The following FANCA variants were observed in gnomAD, a reference collection of about 807,000 sequenced individuals.
The protein encoded by FANCA is Fanconi anemia group A protein.
Under a neutral mutation model 194.3 loss-of-function variants are expected in FANCA, and 236 were observed. The ratio of observed to expected loss-of-function variants is 1.21; its 90% CI spans 1.09 to 1.35. FANCA has a LOEUF of 1.35. Ranked by LOEUF, FANCA falls within the 40% of genes most tolerant of loss-of-function variation. FANCA has a pLI of 0.00. For synonymous variants in FANCA, 1,014 were observed against 715.8 expected (o/e 1.42, Z -6.65); for missense variants, 2,628 against 1,813.9 (o/e 1.45, Z -8.15).
chr16:89,758,833 CG>C, intron 29 of FANCA, 128 bp from the exon 30 acceptor site: 2 of 1,442,650 alleles, frequency 1.4e-6, no homozygotes, highest in Non-Finnish European at 1.9e-6. Context: ...ACTGGCGGCT[CG>C]GGACCTTGGA....
chr16:89,790,827 C>T (rs1044745676), intron 14 of FANCA, among the ~76,000 whole-genome samples: 4 of 151,728 alleles, frequency 2.6e-5, no homozygotes, highest in African/African-American at 9.7e-5. Flanking sequence ...TGATTTCACT[C>T]ATTTTCTTTT....
chr16:89,805,347 C>T lies in FANCA; in HGVS notation c.642G>A (p.Leu214=). Residue 214 remains leucine (L), a synonymous_variant, in exon 7 of 43, where the codon CTG becomes CTA. Coordinates refer to ENST00000389301, the MANE Select transcript of FANCA (RefSeq NM_000135.4). Reference sequence around the variant, plus strand: ...CTTCCATCTGTTCACAAAGGCAGCACAGATTCCTGAAGAGCCACGATCCCA... The same window carrying T: ...CTTCCATCTGTTCACAAAGGCAGCATAGATTCCTGAAGAGCCACGATCCCA... The part of the protein sequence containing the change: ...HAVGSWLFRN[L]CCLCEQMEAS... 1.2e-6 allele frequency: 2 copies of T among 1,614,072 alleles called. No homozygotes were observed. Among genetic ancestry groups the T allele is most frequent in the Non-Finnish European group, 1.7e-6 (2 of 1,179,976 alleles).
At chr16:89,780,456 C>CT (rs983970694) in intron 17 of FANCA, among the ~76,000 whole-genome samples, 1 of 151,914 alleles carries the variant, frequency 6.6e-6, no homozygotes, top group Non-Finnish European at 1.5e-5. Flanking sequence ...CATCTCATCT[C>CT]TAAAAAAATA....
At position 89,748,770 on chromosome 16, in the gene FANCA, G is replaced by A. The variant is rs1315428324; in HGVS notation, c.3240-3C>T. The A allele has an allele frequency of 1.2e-6, 2 of 1,612,958 alleles. No homozygotes were observed. The highest frequency in any genetic ancestry group is 8.5e-7 in the Non-Finnish European group (1 of 1,179,314). On this transcript the variant is annotated splice_polypyrimidine_tract_variant and splice_region_variant and intron_variant, in intron 32 of 42. Transcript: ENST00000389301. ...ACGAAGGCAGGCGGAGGAGGATCCT[G>A]GAAAGAAGGGGCTGTATTGGTGGCG...
chr16:89,816,561 G>A lies in FANCA; in HGVS notation c.55C>T (p.Arg19Trp), dbSNP rs1300733063. Residue 19 changes from arginine (R) to tryptophan (W), a missense_variant, in exon 1 of 43, where the codon CGG becomes TGG. Transcript: ENST00000389301. The part of the protein sequence containing the change: ...SASGQDPGGR[R>W]RAWAELLAGR... Reference sequence around the variant, plus strand: ...CCCAGCAGCTCGGCCCAGGCCCTCCGGCGGCCCCCTGGGTCCTGGCCCGAG... The same window carrying A: ...CCCAGCAGCTCGGCCCAGGCCCTCCAGCGGCCCCCTGGGTCCTGGCCCGAG... 11 of 1,511,952 alleles carry A rather than the reference G, an allele frequency of 7.3e-6. No homozygotes were observed. The highest frequency in any genetic ancestry group is 1.4e-5 in the African/African-American group (1 of 69,278). The allele number at this position is 1,511,952 out of a possible 1,614,324, so 93.7% of individuals were successfully genotyped here.
intron 15 of FANCA, among the ~76,000 whole-genome samples, chr16:89,783,699 C>A (rs1464989526): frequency 1.3e-5 from 2 of 152,184 alleles, no homozygotes; most frequent in Non-Finnish European, 2.9e-5. Flanking sequence ...GCAGCAGGAA[C>A]CGGCCCCGGC....
In FANCA at chr16:89,738,517, T is replaced by C. The variant is rs1390068432; in HGVS notation, c.*84A>G. The C allele has an allele frequency of 1.9e-6, 3 of 1,596,180 alleles. No homozygotes were observed. The highest frequency in any genetic ancestry group is 1.1e-5 in the South Asian group (1 of 90,572). Reference sequence around the variant, plus strand: ...GCAGTCGAGGAGATTTGTAATCCACTTTTTAGTGCAACAAGAGCTCCATGT... The same window carrying C: ...GCAGTCGAGGAGATTTGTAATCCACCTTTTAGTGCAACAAGAGCTCCATGT... On this transcript the variant is annotated 3_prime_UTR_variant, in exon 43 of 43. Transcript: ENST00000389301.
At chr16:89,751,189 G>A (rs369849352) in intron 31 of FANCA, among the ~76,000 whole-genome samples, 1 of 152,188 alleles carries the variant, frequency 6.6e-6, no homozygotes, top group African/African-American at 2.4e-5. Flanking sequence ...CACCGTGCCT[G>A]GCCGGCTGTA....
At chr16:89,759,561 C>T (rs980105362) in intron 29 of FANCA, among the ~76,000 whole-genome samples, 9 of 151,804 alleles carry the variant, frequency 5.9e-5, no homozygotes, top group East Asian at 3.9e-4. Context: ...AGGAGTCTGA[C>T]ATCAGCCTGA....
At chr16:89,770,959 A>G (rs11644213) in intron 23 of FANCA, among the ~76,000 whole-genome samples, 9,089 of 152,148 alleles carry the variant, frequency 0.06, 416 homozygotes, top group East Asian at 0.22. Flanking sequence ...CTAAAGAGGC[A>G]GTCGAGCCCA....
At position 89,808,331 on chromosome 16, in the gene FANCA, C is replaced by T. The variant is rs761538996; in HGVS notation, c.559G>A (p.Val187Ile). 19 of 1,613,964 alleles carry T rather than the reference C, an allele frequency of 1.2e-5. No individual in the cohort carries two copies. The highest frequency in any genetic ancestry group is 3.3e-5 in the South Asian group (3 of 91,090). Residue 187 changes from valine (V) to isoleucine (I), a missense_variant, in exon 6 of 43, where the codon GTA becomes ATA. Transcript: ENST00000389301. Reference protein sequence around the residue: ...LLLEAVWHLHVQGIVSLQELL... With the variant: ...LLLEAVWHLHIQGIVSLQELL... ...TCTTGCAGGCTCACAATGCCTTGTA[C>T]GTGAAGATGCCACACCGCTTCAAGC...
chr16:89,798,751 C>A, intron 10 of FANCA: 1 of 1,366,888 alleles, frequency 7.3e-7, no homozygotes, highest in Non-Finnish European at 9.5e-7. Flanking sequence ...GGAGGCCAGG[C>A]AGCGGGAGTC....
chr16:89,757,601 G>T (rs536308431), intron 30 of FANCA, among the ~76,000 whole-genome samples: 68 of 152,344 alleles, frequency 4.5e-4, no homozygotes, highest in African/African-American at 1.4e-3. Context: ...GGGGGAAGCT[G>T]CATACACACT....
intron 3 of FANCA, 23 bp from the exon 4 acceptor site, chr16:89,811,094 AGCT>A (rs754876206): frequency 6.2e-7 from 1 of 1,613,780 alleles, no homozygotes; most frequent in South Asian, 1.1e-5. Context: ...ACAAAACCAT[AGCT>A]TTCTCTTAAC....
intron 11 of FANCA, among the ~76,000 whole-genome samples, chr16:89,794,525 G>C (rs940210273): frequency 6.6e-6 from 1 of 152,124 alleles, no homozygotes; most frequent in African/African-American, 2.4e-5. Flanking sequence ...AACAGAGTAA[G>C]ACTCTGTCTC....
intron 5 of FANCA, among the ~76,000 whole-genome samples, chr16:89,809,575 C>T (rs966298961): frequency 2.6e-5 from 4 of 151,674 alleles, no homozygotes; most frequent in African/African-American, 7.3e-5. Context: ...TTGGGCAGGG[C>T]GCGGTGACTC....
intron 13 of FANCA, 36 bp downstream of exon 13, chr16:89,791,891 C>A (rs775238864): frequency 6.2e-7 from 1 of 1,613,724 alleles, no homozygotes; most frequent in Non-Finnish European, 8.5e-7. Flanking sequence ...TACACACACT[C>A]TTGACCAGCA....
rs772245102 is a variant in FANCA at position 89,816,003 on chromosome 16, G to A, written c.80-17C>T. On this transcript the variant is annotated splice_polypyrimidine_tract_variant and intron_variant, in intron 1 of 42. Coordinates refer to ENST00000389301, the MANE Select transcript of FANCA (RefSeq NM_000135.4). Reference sequence around the variant, plus strand: ...CCCTTCCCGCTACGGAGAGAAGTCGGTTCGAAACCATCACAGCACAATTCA... The same window carrying A: ...CCCTTCCCGCTACGGAGAGAAGTCGATTCGAAACCATCACAGCACAATTCA... The A allele has an allele frequency of 2.5e-6, 4 of 1,590,792 alleles. No individual in the cohort carries two copies. The highest frequency in any genetic ancestry group is 3.5e-6 in the Non-Finnish European group (4 of 1,158,858).
In FANCA at chr16:89,798,834, T is replaced by C. The variant is rs10852623; in HGVS notation, c.893+332A>G. 680,776 of 1,487,154 alleles carry C rather than the reference T, an allele frequency of 0.46. 167,691 individuals carry two copies. Among genetic ancestry groups the C allele is most frequent in the East Asian group, 0.98 (40,416 of 41,236 alleles). The allele number at this position is 1,487,154 out of a possible 1,614,324, so 92.1% of individuals were successfully genotyped here. On this transcript the variant is annotated intron_variant, in intron 10 of 42. Transcript: ENST00000389301. ...GGCAGGGCCAGCTCTAGAGCCTGAA[T>C]CACACCCAGGGAAGGAGGAGCAAGG... is the stretch of plus-strand genomic sequence containing the variant.
Sources: allele counts gnomAD v4.1 joint callset (sites outside exome capture counted in the v4.1 genomes callset), GRCh38; gene constraint gnomAD v4.1.1; transcripts MANE v1.5; gene names NCBI Gene and HGNC (gene_info 2026-07-23, HGNC 2026-07-21).